The following SHOC2 variants were observed in gnomAD, a reference collection of about 807,000 sequenced individuals.
SHOC2 encodes the protein SHOC2 leucine rich repeat scaffold protein.
SHOC2 carries 4 observed loss-of-function variants against 50.2 expected under a neutral mutation model. The ratio of observed to expected loss-of-function variants is 0.08; its 90% CI spans 0.04 to 0.18. The LOEUF is 0.18. SHOC2 is among the 10% of genes least tolerant of loss of function. The pLI is 1.00. For synonymous variants in SHOC2, 218 were observed against 244.5 expected (o/e 0.89, Z 1.01); for missense variants, 388 against 669.6 (o/e 0.58, Z 4.64).
At chr10:110,931,659 A>G (rs530564008) in intron 1 of SHOC2, among the ~76,000 whole-genome samples, 2 of 152,188 alleles carry the variant, frequency 1.3e-5, no homozygotes, top group East Asian at 1.9e-4. Context: ...AACCTTGTTT[A>G]TTGTTCATTT....
intron 2 of SHOC2, among the ~76,000 whole-genome samples, chr10:110,973,989 T>C (rs1313536052): frequency 2.6e-5 from 4 of 151,934 alleles, no homozygotes; most frequent in African/African-American, 9.7e-5. Flanking sequence ...TACTGATCTT[T>C]TAAAAATTCT....
intron 1 of SHOC2, among the ~76,000 whole-genome samples, chr10:110,962,945 C>G (rs1402839460): frequency 6.6e-6 from 1 of 152,140 alleles, no homozygotes; most frequent in African/African-American, 2.4e-5. Flanking sequence ...TTTTGGCTGT[C>G]TAATTAAACT....
rs114974931 is a variant in SHOC2 at position 110,926,976 on chromosome 10, G to A, written c.-235+7319G>A. Among the ~76,000 whole-genome samples the A allele has an allele frequency of 7.5e-3, 1,140 of 152,070 alleles. 19 individuals carry two copies. The highest frequency in any genetic ancestry group is 0.026 in the African/African-American group (1,064 of 41,496). On this transcript the variant is annotated intron_variant, in intron 1 of 8. Transcript: ENST00000369452. The stretch of plus-strand genomic sequence containing the variant: ...TACTATAATTACTATGTGTTTCTTT[G>A]TTTACTTTGCTATGAAATATGTAAA...
chr10:110,946,244 G>A (rs74156319), intron 1 of SHOC2, among the ~76,000 whole-genome samples: 1 of 151,548 alleles, frequency 6.6e-6, no homozygotes, highest in Admixed American at 6.6e-5. Context: ...GTTTTACTGA[G>A]ATAACATATT....
chr10:110,967,109 A>G (rs1847690597), intron 2 of SHOC2, among the ~76,000 whole-genome samples: 1 of 152,212 alleles, frequency 6.6e-6, no homozygotes, highest in Non-Finnish European at 1.5e-5. Flanking sequence ...TCATAATACT[A>G]TACATTGTTC....
chr10:110,999,162 A>G (rs1048926289), intron 3 of SHOC2, among the ~76,000 whole-genome samples: 3 of 152,214 alleles, frequency 2.0e-5, no homozygotes, highest in Non-Finnish European at 4.4e-5. Flanking sequence ...TGTTTAATTT[A>G]AAAGTAAAGG....
rs1352974521 is a variant in SHOC2, at chr10:110,997,573, C to T, written c.842-2842C>T. Among the ~76,000 whole-genome samples, 4 of 152,012 alleles carry T rather than the reference C, an allele frequency of 2.6e-5. No individual in the cohort carries two copies. In the East Asian group the frequency reaches 7.7e-4, roughly 29 times the overall value. ...CATCATACCTGAAAGTCTTTCACAT[C>T]TTAAAACTTTTTATAACATAACTTT... On this transcript the variant is annotated intron_variant, in intron 3 of 8. Transcript: ENST00000369452.
At chr10:110,935,428 C>T (rs1846987895) in intron 1 of SHOC2, among the ~76,000 whole-genome samples, 2 of 152,162 alleles carry the variant, frequency 1.3e-5, no homozygotes, top group South Asian at 4.1e-4. Flanking sequence ...GAAAAAACTT[C>T]AGTTTATCTA....
intron 2 of SHOC2, among the ~76,000 whole-genome samples, chr10:110,968,220 T>G (rs1694777833): frequency 6.6e-6 from 1 of 152,192 alleles, no homozygotes; most frequent in Non-Finnish European, 1.5e-5. Context: ...TCACTATATA[T>G]TTGTTTTTAA....
chr10:110,948,172 T>A (rs1051425319), intron 1 of SHOC2, among the ~76,000 whole-genome samples: 1 of 152,184 alleles, frequency 6.6e-6, no homozygotes. Context: ...CCAGAAGATA[T>A]AATAGTTGTA....
At chr10:111,000,973 T>C (rs941558717) in intron 4 of SHOC2, among the ~76,000 whole-genome samples, 1 of 151,852 alleles carries the variant, frequency 6.6e-6, no homozygotes, top group Admixed American at 6.6e-5. Context: ...AAAATTAATA[T>C]TAGCAGCAAT....
At chr10:111,004,523 G>A (rs1471385875) in intron 4 of SHOC2, 83 bp from the exon 5 acceptor site, 1 of 975,294 alleles carries the variant, frequency 1.0e-6, no homozygotes, top group East Asian at 2.5e-5. Context: ...GCCCTTTGAG[G>A]CATTTGTGTT....
rs894469467 is a variant in SHOC2, at chr10:110,965,554, GA to G, written c.703+501del. ...CAAAAGAGCAGTGTCATAAGAAATAGAAAAAAAATTTTTTTTTGCATCTTGA... is the reference window on the plus strand; with the variant it reads ...CAAAAGAGCAGTGTCATAAGAAATAGAAAAAAATTTTTTTTTGCATCTTGA... On this transcript the variant is annotated intron_variant, in intron 2 of 8. Transcript: ENST00000369452. Among the ~76,000 whole-genome samples, 52 of 151,898 alleles carry G rather than the reference GA, an allele frequency of 3.4e-4. No homozygotes were observed. In the East Asian group the frequency reaches 6.8e-3, roughly 20 times the overall value.
chr10:111,011,742 C>G lies in SHOC2; in HGVS notation c.1673C>G (p.Pro558Arg). Reference protein sequence around the residue: ...IENCPLSHLPPQIVAGGPSFI... With the variant: ...IENCPLSHLPRQIVAGGPSFI... ...AACTGTCCACTCAGTCACCTTCCAC[C>G]TCAGATTGTTGCTGGGGGGCCTTCT... The change falls in exon 9 of 9, where the codon CCT becomes CGT. Residue 558 changes from proline (P) to arginine (R), a missense_variant. By Grantham distance (103) the Pro-to-Arg change is moderately radical. Coordinates refer to ENST00000369452, the MANE Select transcript of SHOC2 (RefSeq NM_007373.4). 1 of 1,614,008 alleles carries G rather than the reference C, an allele frequency of 6.2e-7. No homozygotes were observed. Among genetic ancestry groups the G allele is most frequent in the Non-Finnish European group, 8.5e-7 (1 of 1,179,942 alleles).
chr10:110,980,421 G>C (rs1847954654), intron 2 of SHOC2, among the ~76,000 whole-genome samples: 1 of 151,948 alleles, frequency 6.6e-6, no homozygotes, highest in Non-Finnish European at 1.5e-5. Context: ...CTCCCAAAGT[G>C]TCCTGTCACT....
chr10:110,923,205 T>C (rs1204848586), intron 1 of SHOC2, among the ~76,000 whole-genome samples: 4 of 152,032 alleles, frequency 2.6e-5, no homozygotes, highest in African/African-American at 9.7e-5. Context: ...ATTTTCCGAC[T>C]GTGTAAACTG....
chr10:110,985,499 C>T, intron 2 of SHOC2, 129 bp from the exon 3 acceptor site: 2 of 598,674 alleles, frequency 3.3e-6, no homozygotes, highest in East Asian at 3.0e-5. Context: ...ATAAAAGTTG[C>T]CTATCTAATA....
At position 111,012,918 on chromosome 10, in the gene SHOC2, A is replaced by G. The variant is rs1399485023; in HGVS notation, c.*1100A>G. Reference sequence around the variant, plus strand: ...TTCAATTCTGGAATATCTGTGTCTAAGCACAATATCTTCACACTGTGCTGT... The same window carrying G: ...TTCAATTCTGGAATATCTGTGTCTAGGCACAATATCTTCACACTGTGCTGT... On this transcript the variant is annotated 3_prime_UTR_variant, in exon 9 of 9. Transcript: ENST00000369452. 1 of 152,664 alleles carries G rather than the reference A, an allele frequency of 6.6e-6. No individual in the cohort carries two copies. Among genetic ancestry groups the G allele is most frequent in the Non-Finnish European group, 1.5e-5 (1 of 68,030 alleles). The allele number at this position is 152,664 out of a possible 1,614,324, so 9.5% of individuals were successfully genotyped here. A position where few individuals can be genotyped will look rare whatever the true frequency, so the allele number is the denominator to read the frequency against.
chr10:110,964,574 C>T lies in SHOC2; in HGVS notation c.216C>T (p.Ile72=), dbSNP rs1025884863. The change falls in exon 2 of 9, where the codon ATC becomes ATT. Residue 72 remains isoleucine (I), a synonymous_variant. Coordinates refer to ENST00000369452, the MANE Select transcript of SHOC2 (RefSeq NM_007373.4). The surrounding 1 kb of genome is among the most constrained non-coding windows in gnomAD (Gnocchi z 4.9). ...PGVAFSVDNT[I]KRPNPAPGTR... ...TGGCATTTTCAGTTGACAATACGATCAAACGGCCAAACCCAGCACCTGGGA... is the reference window on the plus strand; with the variant it reads ...TGGCATTTTCAGTTGACAATACGATTAAACGGCCAAACCCAGCACCTGGGA... The T allele has an allele frequency of 1.9e-6, 3 of 1,613,934 alleles. No individual in the cohort carries two copies. Among genetic ancestry groups the T allele is most frequent in the Non-Finnish European group, 2.5e-6 (3 of 1,180,002 alleles).
Sources: allele counts gnomAD v4.1 joint callset (sites outside exome capture counted in the v4.1 genomes callset), GRCh38; gene constraint gnomAD v4.1.1; non-coding constraint Gnocchi (gnomAD v3.1); transcripts MANE v1.5; gene names NCBI Gene and HGNC (gene_info 2026-07-23, HGNC 2026-07-21).